Variants in ZNF704 observed in about 807,000 individuals in gnomAD.
ZNF704 encodes glucocorticoid induced gene 1.
In ZNF704, 10 loss-of-function variants were observed where a neutral mutation model predicts 44.7. The ratio of observed to expected loss-of-function variants is 0.22; its 90% CI spans 0.14 to 0.38. The LOEUF (loss-of-function observed/expected upper bound fraction) is 0.38. Among genes scored for constraint, ZNF704 ranks in the 10% least tolerant of loss-of-function variants. The pLI is 1.00. For synonymous variants in ZNF704, 211 were observed against 207.6 expected, an observed-to-expected ratio of 1.02 and a Z score of -0.14; for missense variants, 390 against 545.5, an observed-to-expected ratio of 0.71 and a Z score of 2.84.
intron 2 of ZNF704, among the ~76,000 whole-genome samples, chr8:80,723,006 A>G (rs1411133287): frequency 1.3e-5 from 2 of 152,236 alleles, no homozygotes; most frequent in African/African-American, 4.8e-5. Context: ...CTTTGGTTTC[A>G]AGAAAATTGA....
chr8:80,678,307 A>G (rs1364275898), intron 4 of ZNF704, among the ~76,000 whole-genome samples: 1 of 152,154 alleles, frequency 6.6e-6, no homozygotes, highest in Non-Finnish European at 1.5e-5. Context: ...CAATCGCAAA[A>G]CAAAGTTCTG....
chr8:80,693,943 G>A (rs1286024869), intron 2 of ZNF704, among the ~76,000 whole-genome samples: 2 of 152,032 alleles, frequency 1.3e-5, no homozygotes, highest in African/African-American at 4.8e-5. Flanking sequence ...GAAGGAGGGA[G>A]GCCACTTAGG....
chr8:80,877,185 GAAAAAAAAA>G (rs5892744), upstream of ZNF704, among the ~76,000 whole-genome samples: 1,466 of 59,744 alleles, frequency 0.025, 37 homozygotes, highest in African/African-American at 0.081. Context: ...CTCTGAATGG[GAAAAAAAAA>G]AAAAAAAAAA....
intron 2 of ZNF704, among the ~76,000 whole-genome samples, chr8:80,813,574 G>A (rs1441100833): frequency 6.6e-6 from 1 of 152,082 alleles, no homozygotes; most frequent in Non-Finnish European, 1.5e-5. Context: ...GCTTGCCTAA[G>A]CTATAATTAA....
In ZNF704 at chr8:80,630,145, A is replaced by G. The variant is rs1563495004; in HGVS notation, c.*11221T>C. The G allele has an allele frequency of 6.6e-6, 1 of 152,218 alleles. No individual in the cohort carries two copies. Among genetic ancestry groups the G allele is most frequent in the Non-Finnish European group, 1.5e-5 (1 of 68,034 alleles). 9.4% of individuals were successfully genotyped at this position (152,218 alleles called of 1,614,324 possible). ...GTAGCTATGAAAAAAATTTACTTGG[A>G]TTCGATACAAAATACATGCTACTCT... On this transcript the variant is annotated 3_prime_UTR_variant, in exon 9 of 9. Coordinates refer to ENST00000327835, the MANE Select transcript of ZNF704 (RefSeq NM_001033723.3).
At chr8:80,861,432 A>C (rs763950102) in intron 1 of ZNF704, among the ~76,000 whole-genome samples, 1 of 152,240 alleles carries the variant, frequency 6.6e-6, no homozygotes, top group Non-Finnish European at 1.5e-5. Flanking sequence ...TGGAAAGCCA[A>C]AGCAACTGTG....
chr8:80,729,768 T>C (rs757978912), intron 2 of ZNF704, among the ~76,000 whole-genome samples: 7 of 152,212 alleles, frequency 4.6e-5, no homozygotes, highest in Non-Finnish European at 8.8e-5. Flanking sequence ...TAGTCATGGC[T>C]TTGGGAGATT....
upstream of ZNF704, among the ~76,000 whole-genome samples, chr8:80,877,815 C>A (rs1809377147): frequency 6.6e-6 from 1 of 151,900 alleles, no homozygotes; most frequent in East Asian, 1.9e-4. Flanking sequence ...GATAAGTGAA[C>A]AATATGATTT....
At chr8:80,709,569 ATGG>A (rs1221849989) in intron 2 of ZNF704, among the ~76,000 whole-genome samples, 1 of 150,438 alleles carries the variant, frequency 6.6e-6, no homozygotes, top group African/African-American at 2.4e-5. Flanking sequence ...CCTATGAAGG[ATGG>A]TGGAGTGAGA....
intron 2 of ZNF704, among the ~76,000 whole-genome samples, chr8:80,732,179 G>C (rs929943126): frequency 6.6e-6 from 1 of 152,060 alleles, no homozygotes; most frequent in African/African-American, 2.4e-5. Context: ...TCATCTCTCT[G>C]TGCTCTCCTA....
chr8:80,796,096 T>G (rs1415252904), intron 2 of ZNF704, among the ~76,000 whole-genome samples: 1 of 152,226 alleles, frequency 6.6e-6, no homozygotes, highest in Non-Finnish European at 1.5e-5. Flanking sequence ...TAGTCCATAT[T>G]CTGTTGCTTA....
intron 2 of ZNF704, among the ~76,000 whole-genome samples, chr8:80,782,569 C>T (rs1391624861): frequency 6.6e-6 from 1 of 152,156 alleles, no homozygotes; most frequent in South Asian, 2.1e-4. Context: ...TAGAGTCCTT[C>T]TGCTATTCTA....
At chr8:80,879,747 T>C (rs1267252910), upstream of ZNF704, among the ~76,000 whole-genome samples, 1 of 152,250 alleles carries the variant, frequency 6.6e-6, no homozygotes, top group Non-Finnish European at 1.5e-5. Flanking sequence ...GTTTTATTAT[T>C]TGTATTAACC....
Position 80,640,570 on chromosome 8 carries a change from AG to A in ZNF704, c.*795del, listed in dbSNP as rs1585914412. ...AATTCTTGACTGAGTTGTGGCAGGT[AG>A]AGAGTAGAGTTAGCTGTGCTGCCTT... is the stretch of plus-strand genomic sequence containing the variant. On this transcript the variant is annotated 3_prime_UTR_variant, in exon 9 of 9. Transcript: ENST00000327835. The A allele has an allele frequency of 1.3e-5, 2 of 152,210 alleles. No homozygotes were observed. Among genetic ancestry groups the A allele is most frequent in the Non-Finnish European group, 2.9e-5 (2 of 68,060 alleles). 9.4% of individuals were successfully genotyped at this position (152,210 alleles called of 1,614,324 possible).
rs1004062968 is a variant in ZNF704, at chr8:80,788,111, A to C, written c.221+33263T>G. On this transcript the variant is annotated intron_variant, in intron 2 of 8. Coordinates refer to ENST00000327835, the MANE Select transcript of ZNF704 (RefSeq NM_001033723.3). ...AACATGATAGTCAGAATTTCATGCA[A>C]TATGCAGTGACATGATTTTTAAAAA... Among the ~76,000 whole-genome samples, 4 of 152,234 alleles carry C rather than the reference A, an allele frequency of 2.6e-5. No individual in the cohort carries two copies. The East Asian group carries it at 5.8e-4, about 22-fold the overall frequency.
chr8:80,850,856 T>A (rs1261544414), intron 1 of ZNF704, among the ~76,000 whole-genome samples: 1 of 152,186 alleles, frequency 6.6e-6, no homozygotes, highest in African/African-American at 2.4e-5. Flanking sequence ...GGAAATTGCC[T>A]AACATGAAGC....
intron 1 of ZNF704, among the ~76,000 whole-genome samples, chr8:80,861,065 CA>C (rs1809053309): frequency 6.6e-6 from 1 of 152,100 alleles, no homozygotes. Flanking sequence ...TGCAAAAGAC[CA>C]ATGTCAAAGT....
rs1389171292 is a variant in ZNF704, at chr8:80,651,805, C to T, written c.1032+7780G>A. Among the ~76,000 whole-genome samples, 10 of 152,164 alleles carry T rather than the reference C, an allele frequency of 6.6e-5. 1 individual carries two copies. The highest frequency in any genetic ancestry group is 2.4e-4 in the African/African-American group (10 of 41,440). ...TATCCAGGAACTGAACTCAGCTCTG[C>T]ACCAAGTGGACCTAATAGACATCTA... is the stretch of plus-strand genomic sequence containing the variant. On this transcript the variant is annotated intron_variant, in intron 7 of 8. Coordinates refer to ENST00000327835, the MANE Select transcript of ZNF704 (RefSeq NM_001033723.3).
Position 80,639,556 on chromosome 8 carries a change from T to G in ZNF704, c.*1810A>C, listed in dbSNP as rs1455887078. ...TTCTCTTCTCTTAAAATAAATGTTTTTAAAGAAAAAAATAAATGAAGAAAA... is the reference window on the plus strand; with the variant it reads ...TTCTCTTCTCTTAAAATAAATGTTTGTAAAGAAAAAAATAAATGAAGAAAA... On this transcript the variant is annotated 3_prime_UTR_variant, in exon 9 of 9. Transcript: ENST00000327835. 1 of 152,106 alleles carries G rather than the reference T, an allele frequency of 6.6e-6. No homozygotes were observed. The highest frequency in any genetic ancestry group is 1.5e-5 in the Non-Finnish European group (1 of 68,018). The allele number at this position is 152,106 out of a possible 1,614,324, so 9.4% of individuals were successfully genotyped here.
Sources: gnomAD v4.1 joint callset for allele counts (sites outside exome capture counted in the v4.1 genomes callset) on GRCh38, gnomAD v4.1.1 for gene constraint, MANE v1.5 for transcripts, NCBI Gene and HGNC (gene_info 2026-07-23, HGNC 2026-07-21) for gene names.